MYO10: variants seen among roughly 807,000 people sequenced by gnomAD.
MYO10 encodes myosin X, also known as unconventional myosin-X.
MYO10 carries 133 observed loss-of-function variants against 257.3 expected under a neutral mutation model. That is an observed-to-expected ratio of 0.52 (90% CI 0.45 to 0.60). MYO10 has a LOEUF of 0.60. Among genes scored for constraint, MYO10 ranks in the 20% least tolerant of loss-of-function variants. The pLI, the probability that MYO10 is intolerant of heterozygous loss-of-function variation, is 0.00. For missense variants in MYO10, 2,399 were observed against 2,635.7 expected, an observed-to-expected ratio of 0.91 and a Z score of 1.97; for synonymous variants, 1,104 against 1,028.6, an observed-to-expected ratio of 1.07 and a Z score of -1.40.
chr5:16,703,831 G>A lies in MYO10; in HGVS notation c.2277-673C>T, dbSNP rs536351302. Among the ~76,000 whole-genome samples, 187 of 145,770 alleles carry A rather than the reference G, an allele frequency of 1.3e-3. 1 individual carries two copies. The highest frequency in any genetic ancestry group is 3.0e-3 in the Admixed American group (42 of 14,058). ...CGGGAGGCGGAGGTTGCAGTGGGCT[G>A]AGATCGCACCATTGCACTCCAGCCA... is the stretch of plus-strand genomic sequence containing the variant. On this transcript the variant is annotated intron_variant, in intron 22 of 40. Coordinates refer to ENST00000513610, the MANE Select transcript of MYO10 (RefSeq NM_012334.3).
chr5:16,872,065 C>T (rs757711477), intron 2 of MYO10, among the ~76,000 whole-genome samples: 31 of 152,158 alleles, frequency 2.0e-4, no homozygotes, highest in Non-Finnish European at 2.9e-5. Flanking sequence ...GAACTACTGA[C>T]CCAACCAATC....
intron 2 of MYO10, among the ~76,000 whole-genome samples, chr5:16,851,974 C>T (rs1743817453): frequency 6.9e-6 from 1 of 144,462 alleles, no homozygotes; most frequent in Admixed American, 7.2e-5. Context: ...TCGCTTGAAC[C>T]TGGGAGTTGG....
chr5:16,897,603 G>A (rs1305984793), intron 1 of MYO10, among the ~76,000 whole-genome samples: 4 of 152,144 alleles, frequency 2.6e-5, no homozygotes, highest in Admixed American at 1.3e-4. Flanking sequence ...TGAGTCCCAC[G>A]GTCTAAACTC....
At chr5:16,778,581 TTCTTCCACGGGGAAG>T (rs1741296786) in intron 9 of MYO10, among the ~76,000 whole-genome samples, 1 of 151,906 alleles carries the variant, frequency 6.6e-6, no homozygotes, top group African/African-American at 2.4e-5. Context: ...CCACGGGGAA[TTCTTCCACGGGGAAG>T]AGAAGCCTGC....
chr5:16,676,009 C>G (rs374882676), intron 34 of MYO10, 22 bp downstream of exon 34: 7 of 1,594,244 alleles, frequency 4.4e-6, no homozygotes, highest in Middle Eastern at 1.7e-4. Flanking sequence ...TCTGAGGAGT[C>G]GGGGTGGAGC....
In MYO10 at chr5:16,761,246, A is replaced by C. The variant is rs374845946; in HGVS notation, c.1739+218T>G. ...CCTCACGTGATTTGCCCACCTTGGC[A>C]TCCCAAAGTGCTGGGATTACAGGCG... is the stretch of plus-strand genomic sequence containing the variant. On this transcript the variant is annotated intron_variant, in intron 17 of 40. Transcript: ENST00000513610. Among the ~76,000 whole-genome samples the C allele has an allele frequency of 2.3e-4, 35 of 152,182 alleles. 1 individual carries two copies. The East Asian group carries it at 2.9e-3, about 13-fold the overall frequency.
chr5:16,902,732 C>T (rs1338438320), intron 1 of MYO10: 5 of 737,456 alleles, frequency 6.8e-6, no homozygotes, highest in Non-Finnish European at 1.2e-5. Flanking sequence ...AAACTCCTGA[C>T]CTCAGGTGAT....
chr5:16,826,745 A>C (rs1219900683), intron 2 of MYO10, among the ~76,000 whole-genome samples: 1 of 152,174 alleles, frequency 6.6e-6, no homozygotes, highest in Non-Finnish European at 1.5e-5. Context: ...TTTTCCTGGA[A>C]TTCCACGTTG....
intron 1 of MYO10, among the ~76,000 whole-genome samples, chr5:16,934,481 A>G (rs1007090356): frequency 6.6e-6 from 1 of 152,270 alleles, no homozygotes; most frequent in African/African-American, 2.4e-5. Context: ...ACCACTGGAC[A>G]ACGTGCAACT....
At position 16,783,365 on chromosome 5, in the gene MYO10, G is replaced by C. The variant is rs1348984998; in HGVS notation, c.572C>G (p.Ser191Cys). 1.3e-6 allele frequency: 2 copies of C among 1,597,948 alleles called. No homozygotes were observed. Among genetic ancestry groups the C allele is most frequent in the South Asian group, 2.3e-5 (2 of 87,160 alleles). ...TTCAAGAATAGCTCGTTCAACACAG[G>C]ATGTCTTCTCCTTTAAGGACAATTC... ...SLELSLKEKT[S>C]CVERAILESS... The change falls in exon 5 of 41, where the codon TCC (serine) becomes TGC (cysteine). Residue 191 changes from serine (S) to cysteine (C), a missense_variant. Around this residue, in one of 3 missense-constraint regions of MYO10, gnomAD observed 242 missense variants for 249.5 expected, o/e 0.97. Coordinates refer to ENST00000513610, the MANE Select transcript of MYO10 (RefSeq NM_012334.3).
At chr5:16,902,620 T>G (rs1261604061) in intron 1 of MYO10, 1 of 1,529,034 alleles carries the variant, frequency 6.5e-7, no homozygotes, top group African/African-American at 1.4e-5. Context: ...GCACGACCAT[T>G]GTTCCTTCTT....
intron 19 of MYO10, among the ~76,000 whole-genome samples, chr5:16,715,001 G>T (rs1207202093): frequency 6.6e-6 from 1 of 152,078 alleles, no homozygotes; most frequent in Non-Finnish European, 1.5e-5. Flanking sequence ...AAGGATAAAT[G>T]CTTGAGAGGA....
intron 21 of MYO10, among the ~76,000 whole-genome samples, chr5:16,709,673 G>A (rs1738504895): frequency 1.3e-5 from 2 of 152,200 alleles, no homozygotes. Context: ...GGGACTGCAG[G>A]CTTGGGGGAC....
intron 19 of MYO10, among the ~76,000 whole-genome samples, chr5:16,738,598 C>CA (rs762764953): frequency 1.2e-3 from 185 of 151,550 alleles, no homozygotes; most frequent in East Asian, 2.3e-3. Context: ...AAAACAACAA[C>CA]AACAAAAAAA....
At position 16,782,818 on chromosome 5, in the gene MYO10, G is replaced by A. The variant is rs184851693; in HGVS notation, c.602+517C>T. On this transcript the variant is annotated intron_variant, in intron 5 of 40. Transcript: ENST00000513610. ...CTCTTTCTAAGTTTTGAGGCTCCCTGTTATATAGAATGCATCACTCATCTT... is the reference window on the plus strand; with the variant it reads ...CTCTTTCTAAGTTTTGAGGCTCCCTATTATATAGAATGCATCACTCATCTT... Among the ~76,000 whole-genome samples, 600 of 152,232 alleles carry A rather than the reference G, an allele frequency of 3.9e-3. 2 individuals are homozygous for A. The highest frequency in any genetic ancestry group is 7.7e-3 in the Admixed American group (118 of 15,282).
intron 3 of MYO10, among the ~76,000 whole-genome samples, chr5:16,809,687 T>C (rs1742376257): frequency 6.6e-6 from 1 of 152,256 alleles, no homozygotes; most frequent in South Asian, 2.1e-4. Flanking sequence ...TTTTGAAACA[T>C]CTAAAAATAC....
chr5:16,796,454 A>AAG (rs1741968516), intron 3 of MYO10, among the ~76,000 whole-genome samples: 1 of 96,746 alleles, frequency 1.0e-5, no homozygotes, highest in East Asian at 3.3e-4. Flanking sequence ...GAAAGAAAGA[A>AAG]AGAAAGAAAG....
intron 1 of MYO10, among the ~76,000 whole-genome samples, chr5:16,904,133 G>A (rs555413350): frequency 1.6e-4 from 24 of 152,110 alleles, no homozygotes; most frequent in South Asian, 6.2e-4. Flanking sequence ...TCATGGTTGC[G>A]TCATAAAGCT....
chr5:16,897,157 A>G (rs1253003331), intron 1 of MYO10, among the ~76,000 whole-genome samples: 3 of 152,194 alleles, frequency 2.0e-5, no homozygotes, highest in African/African-American at 7.2e-5. Flanking sequence ...GCTCACTGCA[A>G]TTCAAGTATT....
Sources: allele counts gnomAD v4.1 joint callset (sites outside exome capture counted in the v4.1 genomes callset), GRCh38; gene constraint gnomAD v4.1.1; regional missense constraint gnomAD v4.1.1; transcripts MANE v1.5; gene names NCBI Gene and HGNC (gene_info 2026-07-23, HGNC 2026-07-21).